Variants in SHTN1 observed in about 807,000 individuals in gnomAD.
SHTN1 encodes shootin-1.
In SHTN1, 42 loss-of-function variants were observed where a neutral mutation model predicts 83.1. The ratio of observed to expected loss-of-function variants is 0.51; its 90% CI spans 0.39 to 0.65. The LOEUF (loss-of-function observed/expected upper bound fraction) is 0.65, where lower values mean the gene tolerates loss of function less well. Ranked by LOEUF, SHTN1 falls within the 30% of genes least tolerant of loss-of-function variation. The probability of loss-of-function intolerance (pLI) is 0.00; values close to 1 mark genes in which losing one functional copy is unlikely to be tolerated. For missense variants in SHTN1, 622 were observed against 737.8 expected (o/e 0.84, Z 1.82); for synonymous variants, 224 against 247.7 (o/e 0.90, Z 0.90).
At position 116,962,594 on chromosome 10, in the gene SHTN1, C is replaced by T. The variant is rs187592949; in HGVS notation, c.173-2364G>A. On this transcript the variant is annotated intron_variant, in intron 3 of 16. Transcript: ENST00000355371. Reference sequence around the variant, plus strand: ...TCTTGAAAGAGTAAGAAAATTCATTCCACAGTAGTGAGGTTTAGGCCTAGC... The same window carrying T: ...TCTTGAAAGAGTAAGAAAATTCATTTCACAGTAGTGAGGTTTAGGCCTAGC... 1.1e-3 allele frequency among the ~76,000 whole-genome samples: 171 copies of T among 152,154 alleles called. 2 individuals carry two copies. The highest frequency in any genetic ancestry group is 6.9e-4 in the Non-Finnish European group (47 of 68,002).
chr10:117,058,998 G>A (rs1183373170), intron 1 of SHTN1, among the ~76,000 whole-genome samples: 1 of 152,140 alleles, frequency 6.6e-6, no homozygotes, highest in Non-Finnish European at 1.5e-5. Flanking sequence ...AATGGTTATT[G>A]TTAAATGGGT....
chr10:116,959,614 A>T (rs537232189), intron 4 of SHTN1, among the ~76,000 whole-genome samples: 20 of 152,344 alleles, frequency 1.3e-4, no homozygotes, highest in African/African-American at 4.8e-4. Context: ...AGAATGTAGA[A>T]AATTACACAC....
chr10:116,937,312 T>C (rs934436416), intron 9 of SHTN1, among the ~76,000 whole-genome samples: 2 of 152,224 alleles, frequency 1.3e-5, no homozygotes, highest in East Asian at 3.8e-4. Context: ...GTCTTTCCTT[T>C]CCATGTTTAG....
intron 1 of SHTN1, among the ~76,000 whole-genome samples, chr10:117,070,531 G>A (rs998093830): frequency 2.0e-5 from 3 of 151,596 alleles, no homozygotes; most frequent in Admixed American, 2.0e-4. Context: ...AGTCATTCTG[G>A]TCTATTTTCT....
intron 1 of SHTN1, among the ~76,000 whole-genome samples, chr10:117,053,892 T>C (rs1159386747): frequency 6.6e-6 from 1 of 152,198 alleles, no homozygotes; most frequent in African/African-American, 2.4e-5. Flanking sequence ...TATATACATA[T>C]AATAGAATAT....
intron 1 of SHTN1, among the ~76,000 whole-genome samples, chr10:117,073,561 G>A (rs1046778815): frequency 6.6e-6 from 1 of 152,154 alleles, no homozygotes; most frequent in Non-Finnish European, 1.5e-5. Context: ...CAGGTGAGGA[G>A]GATAAAAGCA....
At chr10:117,059,707 G>C (rs758980417) in intron 1 of SHTN1, among the ~76,000 whole-genome samples, 7 of 152,124 alleles carry the variant, frequency 4.6e-5, no homozygotes, top group Admixed American at 3.3e-4. Context: ...TGGTTGCTAG[G>C]GTTTGGTGGT....
intron 2 of SHTN1, chr10:116,973,914 C>G: frequency 7.8e-7 from 1 of 1,283,084 alleles, no homozygotes; most frequent in Non-Finnish European, 1.0e-6. Context: ...TAATAGTAGT[C>G]GACAATTCTA....
intron 1 of SHTN1, among the ~76,000 whole-genome samples, chr10:116,998,470 T>C (rs1406175698): frequency 3.3e-5 from 5 of 152,220 alleles, no homozygotes; most frequent in African/African-American, 1.2e-4. Context: ...TACAGTATAT[T>C]GTTATAATTG....
At chr10:116,893,504 C>T (rs1847404772) in intron 16 of SHTN1, among the ~76,000 whole-genome samples, 1 of 149,430 alleles carries the variant, frequency 6.7e-6, no homozygotes. Flanking sequence ...CTGGTAGTCT[C>T]TTCTCAGAAA....
chr10:116,881,590 C>A lies in SHTN1; in HGVS notation c.*4754G>T, dbSNP rs574707425. On this transcript the variant is annotated 3_prime_UTR_variant, in exon 17 of 17. Transcript: ENST00000355371. ...GCTGCGGAGGCACTTGAGGCTGCTG[C>A]GGCTAGGGAGCCGCTGGTGCCCACC... 1 of 1,550,302 alleles carries A rather than the reference C, an allele frequency of 6.5e-7. No individual in the cohort carries two copies. Among genetic ancestry groups the A allele is most frequent in the South Asian group, 1.2e-5 (1 of 83,986 alleles).
intron 11 of SHTN1, among the ~76,000 whole-genome samples, chr10:116,921,954 T>C (rs1848583686): frequency 6.6e-6 from 1 of 152,204 alleles, no homozygotes; most frequent in South Asian, 2.1e-4. Flanking sequence ...ATCAGCATGA[T>C]GTAGACTAAA....
intron 1 of SHTN1, among the ~76,000 whole-genome samples, chr10:117,063,359 T>C (rs1364008479): frequency 6.6e-6 from 1 of 152,180 alleles, no homozygotes; most frequent in African/African-American, 2.4e-5. Context: ...CCAGGCCCTC[T>C]GCTCCACGGT....
At chr10:116,987,323 G>T (rs1031742518) in intron 1 of SHTN1, among the ~76,000 whole-genome samples, 1 of 152,038 alleles carries the variant, frequency 6.6e-6, no homozygotes, top group African/African-American at 2.4e-5. Flanking sequence ...CCTTCCATAC[G>T]TTACCACCAC....
chr10:116,973,321 G>T (rs976672452), intron 2 of SHTN1, among the ~76,000 whole-genome samples: 6 of 152,274 alleles, frequency 3.9e-5, no homozygotes, highest in African/African-American at 1.2e-4. Context: ...TCAGAGGGTT[G>T]CTAGCCTATA....
chr10:116,968,580 G>T, intron 3 of SHTN1, 72 bp downstream of exon 3: 3 of 1,078,494 alleles, frequency 2.8e-6, no homozygotes, highest in Non-Finnish European at 4.2e-6. Flanking sequence ...AACTCAATAG[G>T]GTATAAGTCT....
chr10:116,980,636 G>A (rs1156881112), intron 1 of SHTN1, among the ~76,000 whole-genome samples: 3 of 150,130 alleles, frequency 2.0e-5, no homozygotes, highest in Non-Finnish European at 4.4e-5. Context: ...TCTAGAAACA[G>A]AAATAAAAAA....
intron 16 of SHTN1, among the ~76,000 whole-genome samples, chr10:116,896,897 C>T (rs936371077): frequency 6.6e-6 from 1 of 151,670 alleles, no homozygotes; most frequent in South Asian, 2.1e-4. Flanking sequence ...ACCTCCACCT[C>T]CTGGGTTCAA....
intron 15 of SHTN1, among the ~76,000 whole-genome samples, chr10:116,903,944 A>T (rs1847856232): frequency 6.6e-6 from 1 of 152,196 alleles, no homozygotes; most frequent in Admixed American, 6.5e-5. Flanking sequence ...TGCTCTTTGA[A>T]ATGTCAGTTT....
Sources: gnomAD v4.1 joint callset for allele counts (sites outside exome capture counted in the v4.1 genomes callset) on GRCh38, gnomAD v4.1.1 for gene constraint, MANE v1.5 for transcripts, NCBI Gene and HGNC (gene_info 2026-07-23, HGNC 2026-07-21) for gene names.